PDE10A: variants seen among roughly 807,000 people sequenced by gnomAD.
The protein encoded by PDE10A is cAMP and cAMP-inhibited cGMP 3',5'-cyclic phosphodiesterase 10A.
Under a neutral mutation model 97.7 loss-of-function variants are expected in PDE10A, and 39 were observed. The observed-to-expected ratio is 0.40, with a 90% CI of 0.31 to 0.52. The LOEUF (loss-of-function observed/expected upper bound fraction) is 0.52. PDE10A is among the 20% of genes least tolerant of loss of function. The pLI, the probability that PDE10A is intolerant of heterozygous loss-of-function variation, is 0.56. For synonymous variants in PDE10A, 371 were observed against 376.8 expected (o/e 0.98, Z 0.18); for missense variants, 731 against 1,047.8 (o/e 0.70, Z 4.17).
intron 3 of PDE10A, among the ~76,000 whole-genome samples, chr6:165,473,699 T>C (rs1170492643): frequency 6.6e-6 from 1 of 152,052 alleles, no homozygotes; most frequent in African/African-American, 2.4e-5. Flanking sequence ...AGGAAAACAC[T>C]GTGGCCAAAC....
intron 1 of PDE10A, among the ~76,000 whole-genome samples, chr6:165,553,542 AC>A (rs1490414154): frequency 6.6e-6 from 1 of 152,190 alleles, no homozygotes; most frequent in African/African-American, 2.4e-5. Context: ...TTGGTCTATG[AC>A]CTAGAAAGCA....
intron 1 of PDE10A, among the ~76,000 whole-genome samples, chr6:165,871,500 A>T (rs1781203483): frequency 6.6e-6 from 1 of 152,132 alleles, no homozygotes; most frequent in Admixed American, 6.5e-5. Context: ...GGTCCTTCAA[A>T]TGGCTGATTA....
In PDE10A at chr6:165,535,121, T is replaced by C. The variant is rs142494747; in HGVS notation, c.994+8319A>G. ...TGCAGGATACAAAATCAACATATGA[T>C]AATCTGTAGCATTTCTATATGTCGA... On this transcript the variant is annotated intron_variant, in intron 2 of 21. Transcript: ENST00000539869. Among the ~76,000 whole-genome samples the C allele has an allele frequency of 1.2e-4, 19 of 152,078 alleles. No homozygotes were observed. In the East Asian group the frequency reaches 3.5e-3, roughly 28 times the overall value.
At chr6:165,412,833 C>T (rs1207573324) in intron 13 of PDE10A, among the ~76,000 whole-genome samples, 1 of 152,014 alleles carries the variant, frequency 6.6e-6, no homozygotes, top group African/African-American at 2.4e-5. Flanking sequence ...TAAAATTTTC[C>T]CTAACCTCAG....
intron 1 of PDE10A, among the ~76,000 whole-genome samples, chr6:165,817,408 G>T (rs946947974): frequency 7.9e-5 from 12 of 152,124 alleles, no homozygotes; most frequent in Admixed American, 2.6e-4. Context: ...AGAAGAGTTG[G>T]TTCAGGGCAT....
intron 1 of PDE10A, among the ~76,000 whole-genome samples, chr6:165,607,666 G>A (rs946684050): frequency 2.0e-5 from 3 of 152,172 alleles, no homozygotes; most frequent in Admixed American, 6.5e-5. Context: ...AGAGACTGAC[G>A]CTGGGCAGCT....
At position 165,938,587 on chromosome 6, in the gene PDE10A, CCCAAAAAACGCA is replaced by C. The variant is rs1403882102; in HGVS notation, c.-615+48930_-615+48941del. ...ATTCAAGTCAGGTTCCCATGTGAAC[CCCAAAAAACGCA>C]CCTGGGGCTTCCTTCAGTGAGGAGG... On this transcript the variant is annotated intron_variant, in intron 1 of 19. Transcript: ENST00000366882. Among the ~76,000 whole-genome samples the C allele has an allele frequency of 2.0e-5, 3 of 152,030 alleles. 1 individual carries two copies. The highest frequency in any genetic ancestry group is 4.1e-4 in the South Asian group (2 of 4,822).
chr6:165,901,026 G>T (rs1187914441), intron 1 of PDE10A, among the ~76,000 whole-genome samples: 1 of 152,174 alleles, frequency 6.6e-6, no homozygotes, highest in Non-Finnish European at 1.5e-5. Flanking sequence ...GAGAGCCCAG[G>T]CTGCGTGGGA....
intron 3 of PDE10A, among the ~76,000 whole-genome samples, chr6:165,474,237 C>T (rs1779171880): frequency 6.6e-6 from 1 of 152,132 alleles, no homozygotes; most frequent in South Asian, 2.1e-4. Flanking sequence ...AGAACAGATG[C>T]CAGTTAAGGA....
At chr6:165,518,670 A>G (rs1781959123) in intron 2 of PDE10A, among the ~76,000 whole-genome samples, 1 of 152,230 alleles carries the variant, frequency 6.6e-6, no homozygotes, top group South Asian at 2.1e-4. Flanking sequence ...AAAGTTCTCA[A>G]CTTGATAAGG....
chr6:165,493,824 G>A (rs1183035115), intron 2 of PDE10A, among the ~76,000 whole-genome samples: 4 of 152,030 alleles, frequency 2.6e-5, no homozygotes, highest in Admixed American at 6.6e-5. Flanking sequence ...AGATAGATGG[G>A]ACTTCCTTAA....
At chr6:165,560,298 A>T (rs1427449315) in intron 1 of PDE10A, among the ~76,000 whole-genome samples, 1 of 152,222 alleles carries the variant, frequency 6.6e-6, no homozygotes, top group Non-Finnish European at 1.5e-5. Context: ...CTAGGAGCTA[A>T]AGAGACCTCA....
At chr6:165,865,973 A>G (rs1316888402) in intron 1 of PDE10A, among the ~76,000 whole-genome samples, 1 of 152,184 alleles carries the variant, frequency 6.6e-6, no homozygotes, top group Non-Finnish European at 1.5e-5. Context: ...GTCTTTTCCA[A>G]GGAATTTTTA....
At chr6:165,410,814 C>A (rs1004375969) in intron 13 of PDE10A, among the ~76,000 whole-genome samples, 1 of 151,378 alleles carries the variant, frequency 6.6e-6, no homozygotes, top group Non-Finnish European at 1.5e-5. Context: ...CTTGGCCGGG[C>A]GCGGTGGCTC....
At chr6:165,847,168 C>T (rs1201888511) in intron 1 of PDE10A, among the ~76,000 whole-genome samples, 1 of 152,212 alleles carries the variant, frequency 6.6e-6, no homozygotes, top group Non-Finnish European at 1.5e-5. Context: ...GGCTGAAATT[C>T]ACTGGCTACC....
chr6:165,960,778 A>T (rs1252440297), intron 1 of PDE10A, among the ~76,000 whole-genome samples: 1 of 152,078 alleles, frequency 6.6e-6, no homozygotes, highest in East Asian at 1.9e-4. Context: ...GCACAGACAG[A>T]CCCGATCCTC....
At chr6:165,527,588 T>C (rs1188644901) in intron 2 of PDE10A, among the ~76,000 whole-genome samples, 2 of 152,206 alleles carry the variant, frequency 1.3e-5, no homozygotes, top group African/African-American at 4.8e-5. Context: ...GTTTTGACTA[T>C]GGGTCATCAA....
chr6:165,892,208 G>A (rs541354253), intron 1 of PDE10A, among the ~76,000 whole-genome samples: 20 of 152,188 alleles, frequency 1.3e-4, no homozygotes, highest in South Asian at 1.2e-3. Context: ...GAGGGAGATG[G>A]GAGTTGAAGG....
chr6:165,975,314 A>G (rs1310595372), intron 1 of PDE10A, among the ~76,000 whole-genome samples: 1 of 152,214 alleles, frequency 6.6e-6, no homozygotes. Context: ...TCCATTAAAA[A>G]GACAATTTAT....
Sources: gnomAD v4.1 joint callset for allele counts (sites outside exome capture counted in the v4.1 genomes callset) on GRCh38, gnomAD v4.1.1 for gene constraint, MANE v1.5 for transcripts, NCBI Gene and HGNC (gene_info 2026-07-23, HGNC 2026-07-21) for gene names.